PICK1: variants seen among roughly 807,000 people sequenced by gnomAD.
The protein encoded by PICK1 is protein interacting with PRKCA 1, also known as PRKCA-binding protein.
PICK1 carries 23 observed loss-of-function variants against 48.9 expected under a neutral mutation model. That is an observed-to-expected ratio of 0.47 (90% CI 0.34 to 0.67). The LOEUF (loss-of-function observed/expected upper bound fraction) is 0.67, where lower values mean the gene tolerates loss of function less well. Among genes scored for constraint, PICK1 ranks in the 30% least tolerant of loss-of-function variants. PICK1 has a pLI of 0.01. For synonymous variants in PICK1, 217 were observed against 228.2 expected (o/e 0.95, Z 0.44); for missense variants, 423 against 557.1 (o/e 0.76, Z 2.42).
chr22:38,071,459 C>T (rs960505034), intron 7 of PICK1, among the ~76,000 whole-genome samples: 3 of 152,234 alleles, frequency 2.0e-5, no homozygotes, highest in African/African-American at 7.2e-5. Context: ...AGGCTGTGTA[C>T]CCCTGCATCT....
In PICK1 at chr22:38,075,286, C is replaced by A. The variant is rs941879643; in HGVS notation, c.*154C>A. On this transcript the variant is annotated 3_prime_UTR_variant, in exon 13 of 13. Transcript: ENST00000356976. Reference sequence around the variant, plus strand: ...TCTGTCCTCGCACAGCGAACCTGGGCTCCTGCCCAGGACAGGCACCAGGGT... The same window carrying A: ...TCTGTCCTCGCACAGCGAACCTGGGATCCTGCCCAGGACAGGCACCAGGGT... 1.8e-5 allele frequency: 13 copies of A among 731,208 alleles called. No individual in the cohort carries two copies. The highest frequency in any genetic ancestry group is 2.4e-5 in the Non-Finnish European group (11 of 457,434). 45.3% of individuals were successfully genotyped at this position (731,208 alleles called of 1,614,324 possible).
In PICK1 at chr22:38,072,497, G is replaced by C. The variant is rs201758961; in HGVS notation, c.577G>C (p.Val193Leu). 1 of 1,613,416 alleles carries C rather than the reference G, an allele frequency of 6.2e-7. No individual in the cohort carries two copies. The highest frequency in any genetic ancestry group is 1.1e-5 in the South Asian group (1 of 91,088). The change falls in exon 9 of 13, where the codon GTG (valine) becomes CTG (leucine). Residue 193 changes from valine (V) to leucine (L), a missense_variant. Val to Leu is a conservative substitution (Grantham distance 32). Transcript: ENST00000356976. Reference protein sequence around the residue: ...THRAFGDVFSVIGVREPQPAA... With the variant: ...THRAFGDVFSLIGVREPQPAA... ...TGCAGCCTTTGGGGACGTGTTCTCC[G>C]TGATCGGGGTGCGGGAGCCCCAGCC...
chr22:38,072,689 G>A, intron 9 of PICK1, 79 bp downstream of exon 9: 4 of 1,578,288 alleles, frequency 2.5e-6, no homozygotes, highest in Non-Finnish European at 3.5e-6. Flanking sequence ...AAGGTCGTAT[G>A]CTGGAGTCCT....
At chr22:38,069,859 G>C (rs2145876156) in intron 6 of PICK1, among the ~76,000 whole-genome samples, 1 of 152,306 alleles carries the variant, frequency 6.6e-6, no homozygotes, top group South Asian at 2.1e-4. Flanking sequence ...GATGAAATTA[G>C]AACTGGTTGT....
chr22:38,074,463 C>T lies in PICK1; in HGVS notation c.979+12C>T, dbSNP rs199776116. On this transcript the variant is annotated intron_variant, in intron 12 of 12. Transcript: ENST00000356976. This position sits in a 1 kb window ranked among gnomAD's most constrained non-coding sequence, Gnocchi z 4.5. ...GGACCAGAAGCACGGTGAGCGCCGC[C>T]CTCCTCCCCGTCCGCTCTCCATTTC... The T allele has an allele frequency of 1.6e-4, 254 of 1,612,820 alleles. No individual in the cohort carries two copies. Among genetic ancestry groups the T allele is most frequent in the African/African-American group, 2.7e-5 (2 of 74,892 alleles).
In PICK1 at chr22:38,073,090, C is replaced by G; in HGVS notation, c.781C>G (p.Leu261Val). ...KKYLDVKFEY[L>V]SYCLKVKEMD... ...GTACCTGGACGTGAAGTTTGAGTAC[C>G]TGGTGAGTAGTCCAGGTGCCCAGGC... Residue 261 changes from leucine (L) to valine (V), a missense_variant and splice_region_variant, in exon 10 of 13, where the codon CTG becomes GTG. Coordinates refer to ENST00000356976, the MANE Select transcript of PICK1 (RefSeq NM_012407.4). The surrounding 1 kb of genome is among the most constrained non-coding windows in gnomAD (Gnocchi z 5.7). 6.2e-7 allele frequency: 1 copy of G among 1,602,794 alleles called. No individual in the cohort carries two copies. Among genetic ancestry groups the G allele is most frequent in the Non-Finnish European group, 8.5e-7 (1 of 1,169,876 alleles).
Position 38,057,426 on chromosome 22 carries a change from T to G in PICK1, c.-219T>G. ...CGTGACAATCGCGGCCACCGCCAGG[T>G]GGAACGGCAGGTGGGTTCAGGTACC... On this transcript the variant is annotated 5_prime_UTR_variant, in exon 1 of 13. Coordinates refer to ENST00000356976, the MANE Select transcript of PICK1 (RefSeq NM_012407.4). The G allele has an allele frequency of 7.9e-6, 2 of 252,004 alleles. No homozygotes were observed. Among genetic ancestry groups the G allele is most frequent in the Non-Finnish European group, 1.5e-5 (2 of 129,358 alleles). The allele number at this position is 252,004 out of a possible 1,614,324, so 15.6% of individuals were successfully genotyped here.
At position 38,073,290 on chromosome 22, in the gene PICK1, C is replaced by T. The variant is rs553072935; in HGVS notation, c.783+198C>T. On this transcript the variant is annotated intron_variant, in intron 10 of 12. Transcript: ENST00000356976. This position sits in a 1 kb window ranked among gnomAD's most constrained non-coding sequence, Gnocchi z 5.7. Reference sequence around the variant, plus strand: ...CAAAGAAGCATCTGAGAGCCTGGGGCGGGCATGGCTCTCGCTGTGTGCACT... The same window carrying T: ...CAAAGAAGCATCTGAGAGCCTGGGGTGGGCATGGCTCTCGCTGTGTGCACT... 6.6e-6 allele frequency among the ~76,000 whole-genome samples: 1 copy of T among 152,310 alleles called. No homozygotes were observed. Among genetic ancestry groups the T allele is most frequent in the Admixed American group, 6.5e-5 (1 of 15,300 alleles).
rs1451556251 is a variant in PICK1, at chr22:38,066,852, T to C, written c.283-852T>C. Among the ~76,000 whole-genome samples, 1 of 152,236 alleles carries C rather than the reference T, an allele frequency of 6.6e-6. No homozygotes were observed. Among genetic ancestry groups the C allele is most frequent in the Non-Finnish European group, 1.5e-5 (1 of 68,028 alleles). On this transcript the variant is annotated intron_variant, in intron 4 of 12. Coordinates refer to ENST00000356976, the MANE Select transcript of PICK1 (RefSeq NM_012407.4). This position sits in a 1 kb window ranked among gnomAD's most constrained non-coding sequence, Gnocchi z 4.1. The stretch of plus-strand genomic sequence containing the variant: ...CCCTCCCGTGCTCAGGCAAGTCCTC[T>C]TGGGAGAAGCCTTTGTCTCCTGAGC...
intron 6 of PICK1, among the ~76,000 whole-genome samples, chr22:38,069,539 C>T (rs2085623846): frequency 6.6e-6 from 1 of 152,210 alleles, no homozygotes; most frequent in Admixed American, 6.5e-5. Context: ...TGTACATGCA[C>T]ATTTACACAC....
chr22:38,062,706 A>G (rs2085434190), intron 3 of PICK1, among the ~76,000 whole-genome samples: 1 of 152,150 alleles, frequency 6.6e-6, no homozygotes, highest in East Asian at 1.9e-4. Context: ...TTTCTGAGAA[A>G]GGGCACGTGG....
At chr22:38,057,618 G>A in intron 1 of PICK1, 31 bp downstream of exon 1, 1 of 592,480 alleles carries the variant, frequency 1.7e-6, no homozygotes, top group African/African-American at 2.3e-5. Context: ...CCCCCACCCG[G>A]AGACTGTCCC....
At position 38,059,364 on chromosome 22, in the gene PICK1, G is replaced by C. The variant is rs372750595; in HGVS notation, c.153+19G>C. On this transcript the variant is annotated intron_variant, in intron 3 of 12. Transcript: ENST00000356976. Reference sequence around the variant, plus strand: ...CGTCCAGGTATTGGGCGCTTTGGAGGGGGGCACAAGGTACATCCCTACTTG... The same window carrying C: ...CGTCCAGGTATTGGGCGCTTTGGAGCGGGGCACAAGGTACATCCCTACTTG... 1 of 1,468,458 alleles carries C rather than the reference G, an allele frequency of 6.8e-7. No individual in the cohort carries two copies. Among genetic ancestry groups the C allele is most frequent in the Non-Finnish European group, 9.3e-7 (1 of 1,070,666 alleles). 91.0% of individuals were successfully genotyped at this position (1,468,458 alleles called of 1,614,324 possible).
At chr22:38,061,372 T>G (rs1191623384) in intron 3 of PICK1, among the ~76,000 whole-genome samples, 1 of 151,002 alleles carries the variant, frequency 6.6e-6, no homozygotes, top group Non-Finnish European at 1.5e-5. Context: ...CATCATAGAA[T>G]TGATTTTTTT....
chr22:38,059,549 A>G (rs2085350427), intron 3 of PICK1, among the ~76,000 whole-genome samples: 1 of 151,744 alleles, frequency 6.6e-6, no homozygotes, highest in Admixed American at 6.6e-5. Flanking sequence ...CTCGGCACTT[A>G]TTACTTGTTA....
chr22:38,059,277 G>A lies in PICK1; in HGVS notation c.85G>A (p.Ala29Thr). The A allele has an allele frequency of 6.3e-7, 1 of 1,584,320 alleles. No homozygotes were observed. Among genetic ancestry groups the A allele is most frequent in the African/African-American group, 1.3e-5 (1 of 74,330 alleles). The change falls in exon 3 of 13, where the codon GCT becomes ACT. Residue 29 changes from alanine (A) to threonine (T), a missense_variant. Around this residue, in one of 2 missense-constraint regions of PICK1, gnomAD observed 279 missense variants for 417.8 expected, o/e 0.67. Transcript: ENST00000356976. ...TGGGAAGGTGACCCTGCAGAAGGATGCTCAGAACCTGATCGGGATCAGCAT... is the reference window on the plus strand; with the variant it reads ...TGGGAAGGTGACCCTGCAGAAGGATACTCAGAACCTGATCGGGATCAGCAT... ...VPGKVTLQKD[A>T]QNLIGISIGG...
rs376907973 is a variant in PICK1, at chr22:38,075,138, C to T, written c.*6C>T. 9.6e-5 allele frequency: 154 copies of T among 1,606,652 alleles called. No individual in the cohort carries two copies. In the African/African-American group the frequency reaches 1.1e-3, roughly 11 times the overall value. ...GAAGCTGGTGTGACTCCTGAGTGCC[C>T]CGCGGCTGTGGTGCCGGGGGCAGGG... On this transcript the variant is annotated 3_prime_UTR_variant, in exon 13 of 13. Transcript: ENST00000356976.
In PICK1 at chr22:38,057,476, G is replaced by A. The variant is rs983436969; in HGVS notation, c.-169G>A. On this transcript the variant is annotated 5_prime_UTR_variant, in exon 1 of 13. Transcript: ENST00000356976. The stretch of plus-strand genomic sequence containing the variant: ...CAGCCTGGCCGGGACCCGGCTGTGG[G>A]ACCAACGCTTCCGGTGAGCGACAGA... 1.0e-5 allele frequency: 4 copies of A among 389,018 alleles called. No individual in the cohort carries two copies. In the Admixed American group the frequency reaches 1.5e-4, roughly 15 times the overall value. The allele number at this position is 389,018 out of a possible 1,614,324, so 24.1% of individuals were successfully genotyped here.
chr22:38,057,333 G>A (rs756577128), upstream of PICK1: 157 of 198,818 alleles, frequency 7.9e-4, no homozygotes, highest in Non-Finnish European at 3.3e-4. Context: ...GGGAAGGATT[G>A]TCTGCAGGGA....
Sources: allele counts gnomAD v4.1 joint callset (sites outside exome capture counted in the v4.1 genomes callset), GRCh38; gene constraint gnomAD v4.1.1; regional missense constraint gnomAD v4.1.1; non-coding constraint Gnocchi (gnomAD v3.1); transcripts MANE v1.5; gene names NCBI Gene and HGNC (gene_info 2026-07-23, HGNC 2026-07-21).